EP300: variants seen among roughly 807,000 people sequenced by gnomAD.
EP300 encodes EP300 lysine acetyltransferase.
Under a neutral mutation model 264.0 loss-of-function variants are expected in EP300, and 31 were observed. That is an observed-to-expected ratio of 0.12 (90% confidence interval 0.09 to 0.16). EP300 has a LOEUF of 0.16. EP300 is among the 10% of genes least tolerant of loss of function. The probability of loss-of-function intolerance (pLI) is 1.00; values close to 1 mark genes in which losing one functional copy is unlikely to be tolerated. For missense variants in EP300, 2,766 were observed against 3,052.9 expected (o/e 0.91, Z 2.21); for synonymous variants, 1,340 against 1,045.4 (o/e 1.28, Z -5.44).
intron 14 of EP300, among the ~76,000 whole-genome samples, chr22:41,151,365 A>G (rs940283083): frequency 6.6e-6 from 1 of 152,206 alleles, no homozygotes; most frequent in Non-Finnish European, 1.5e-5. Context: ...AAGATAGGGA[A>G]TGCCAGTTTA....
At chr22:41,174,079 C>T (rs1048160521) in intron 29 of EP300, among the ~76,000 whole-genome samples, 11 of 151,902 alleles carry the variant, frequency 7.2e-5, no homozygotes, top group African/African-American at 2.2e-4. Flanking sequence ...CATTGCACTC[C>T]AGCCTGGGCA....
chr22:41,168,979 C>CA (rs1365735435), intron 25 of EP300, 112 bp downstream of exon 25: 5 of 1,454,704 alleles, frequency 3.4e-6, no homozygotes, highest in Admixed American at 3.4e-5. Flanking sequence ...TTTGGAAATG[C>CA]AAAATCTCAA....
At chr22:41,141,245 C>G (rs2145726608) in intron 10 of EP300, 23 bp downstream of exon 10, 1 of 1,605,878 alleles carries the variant, frequency 6.2e-7, no homozygotes, top group South Asian at 1.1e-5. Flanking sequence ...TGTTATATTT[C>G]TGTTTGAGAG....
chr22:41,158,177 TC>T (rs2145749088), intron 18 of EP300, among the ~76,000 whole-genome samples: 1 of 152,352 alleles, frequency 6.6e-6, no homozygotes, highest in Non-Finnish European at 1.5e-5. Flanking sequence ...GCCCAGCTAT[TC>T]CTGTTAGGTT....
In EP300 at chr22:41,179,085, G is replaced by A; in HGVS notation, c.*129G>A. On this transcript the variant is annotated 3_prime_UTR_variant, in exon 31 of 31. Coordinates refer to ENST00000263253, the MANE Select transcript of EP300 (RefSeq NM_001429.4). ...TTTCCTTGGAACACATAAGAACTGT[G>A]CAGTAGCCGTTTGTGGTTTAAAGCA... The A allele has an allele frequency of 9.5e-7, 1 of 1,050,386 alleles. No individual in the cohort carries two copies. The highest frequency in any genetic ancestry group is 1.4e-6 in the Non-Finnish European group (1 of 724,998). 65.1% of individuals were successfully genotyped at this position (1,050,386 alleles called of 1,614,324 possible). A position where few individuals can be genotyped will look rare whatever the true frequency, so the allele number is the denominator to read the frequency against.
intron 21 of EP300, 61 bp downstream of exon 21, chr22:41,162,840 C>T (rs2059115182): frequency 2.0e-5 from 29 of 1,435,910 alleles, no homozygotes; most frequent in South Asian, 2.3e-5. Flanking sequence ...CTTTCATTCT[C>T]TTGAAGTTTG....
In EP300 at chr22:41,179,167, GCTGGTTACCACCAGC is replaced by G; in HGVS notation, c.*214_*228del. On this transcript the variant is annotated 3_prime_UTR_variant, in exon 31 of 31. Coordinates refer to ENST00000263253, the MANE Select transcript of EP300 (RefSeq NM_001429.4). ...ATACAAAGAATATATTTTTGTTATG[GCTGGTTACCACCAGC>G]CTTTCTTCCCCTTTGTGTGTGTGGT... The G allele has an allele frequency of 1.6e-6, 1 of 612,204 alleles. No individual in the cohort carries two copies. The highest frequency in any genetic ancestry group is 2.0e-5 in the South Asian group (1 of 49,086). The allele number at this position is 612,204 out of a possible 1,614,324, so 37.9% of individuals were successfully genotyped here. A position where few individuals can be genotyped will look rare whatever the true frequency, so the allele number is the denominator to read the frequency against.
In EP300 at chr22:41,177,029, G is replaced by A. The variant is rs2145515453; in HGVS notation, c.5318G>A (p.Arg1773Gln). The change falls in exon 31 of 31, where the codon CGG becomes CAG. Residue 1773 changes from arginine to glutamine, a missense_variant. Physicochemically the swap from Arg to Gln is conservative, Grantham distance 43 (BLOSUM62 1). Coordinates refer to ENST00000263253, the MANE Select transcript of EP300 (RefSeq NM_001429.4). ...RVVQHTKGCK[R>Q]KTNGGCPICK... ...GTGCAGCATACCAAGGGTTGCAAAC[G>A]GAAAACCAATGGCGGGTGCCCCATC... is the stretch of plus-strand genomic sequence containing the variant. 4 of 1,614,134 alleles carry A rather than the reference G, an allele frequency of 2.5e-6. No individual in the cohort carries two copies. Among genetic ancestry groups the A allele is most frequent in the Non-Finnish European group, 3.4e-6 (4 of 1,180,028 alleles).
At chr22:41,120,061 A>G (rs529267070) in intron 2 of EP300, among the ~76,000 whole-genome samples, 67 of 152,062 alleles carry the variant, frequency 4.4e-4, no homozygotes, top group Non-Finnish European at 7.8e-4. Context: ...TGATCTGCCC[A>G]CCTCGGCCTC....
chr22:41,142,937 C>T (rs1289752641), intron 10 of EP300, among the ~76,000 whole-genome samples: 1 of 151,720 alleles, frequency 6.6e-6, no homozygotes, highest in African/African-American at 2.4e-5. Flanking sequence ...GTAGAATTTA[C>T]TCAAGTTCTG....
intron 14 of EP300, among the ~76,000 whole-genome samples, chr22:41,150,869 C>T (rs1326856485): frequency 1.3e-5 from 2 of 148,238 alleles, no homozygotes; most frequent in Admixed American, 6.8e-5. Context: ...CTAGCCTAGG[C>T]GACAGAGTGA....
chr22:41,119,963 G>A (rs374651843), intron 2 of EP300, among the ~76,000 whole-genome samples: 2 of 152,168 alleles, frequency 1.3e-5, no homozygotes, highest in East Asian at 3.9e-4. Flanking sequence ...ACAGGCATGC[G>A]CCACCAAGCC....
At chr22:41,170,877 A>T (rs1266385414) in intron 27 of EP300, among the ~76,000 whole-genome samples, 1 of 150,048 alleles carries the variant, frequency 6.7e-6, no homozygotes, top group Non-Finnish European at 1.5e-5. Context: ...GTTAGCCAGG[A>T]TGGTCTCGAT....
At chr22:41,148,242 C>T (rs893686502) in intron 12 of EP300, among the ~76,000 whole-genome samples, 7 of 152,138 alleles carry the variant, frequency 4.6e-5, no homozygotes, top group Non-Finnish European at 1.5e-5. Context: ...GTTGATGGTG[C>T]GTTTTTGCCT....
Position 41,117,200 on chromosome 22 carries a change from A to C in EP300, c.108A>C (p.Leu36=). ...SASDGTDFGS[L]FDLEHDLPDE... ...CTTTGCTTTTAGATTTTGGCTCTCT[A>C]TTTGACTTGGAGCACGACTTACCAG... is the stretch of plus-strand genomic sequence containing the variant. The change falls in exon 2 of 31, where the codon CTA becomes CTC. Residue 36 remains leucine (L), a synonymous_variant. Transcript: ENST00000263253. 1 of 1,614,124 alleles carries C rather than the reference A, an allele frequency of 6.2e-7. No individual in the cohort carries two copies. The highest frequency in any genetic ancestry group is 1.1e-5 in the South Asian group (1 of 91,080).
intron 22 of EP300, among the ~76,000 whole-genome samples, chr22:41,164,471 G>A (rs2059124270): frequency 2.0e-5 from 3 of 152,178 alleles, no homozygotes; most frequent in Admixed American, 2.0e-4. Flanking sequence ...CAGCACTTTG[G>A]GAGGCCGAGG....
chr22:41,178,059 T>A lies in EP300; in HGVS notation c.6348T>A (p.Pro2116=). 2 of 1,614,146 alleles carry A rather than the reference T, an allele frequency of 1.2e-6. No homozygotes were observed. The highest frequency in any genetic ancestry group is 1.7e-6 in the Non-Finnish European group (2 of 1,180,016). The change falls in exon 31 of 31, where the codon CCT becomes CCA. Residue 2116 remains proline, a synonymous_variant. Transcript: ENST00000263253. ...MPQGQPGLQP[P]TMPGQQGVHS... ...AGGGGCAGCCAGGGCTACAGCCACCTACCATGCCAGGTCAGCAGGGGGTCC... is the reference window on the plus strand; with the variant it reads ...AGGGGCAGCCAGGGCTACAGCCACCAACCATGCCAGGTCAGCAGGGGGTCC...
At position 41,125,735 on chromosome 22, in the gene EP300, T is replaced by C. The variant is rs1223063407; in HGVS notation, c.730-129T>C. The C allele has an allele frequency of 2.2e-5, 22 of 1,011,508 alleles. 1 individual carries two copies. The East Asian group carries it at 5.4e-4, about 25-fold the overall frequency. 62.7% of individuals were successfully genotyped at this position (1,011,508 alleles called of 1,614,324 possible). A position where few individuals can be genotyped will look rare whatever the true frequency, so the allele number is the denominator to read the frequency against. ...TTGTCACGTTGCCCAAGCTGTAGTG[T>C]CTTTTCTAATAGAAGCTGAGAATTT... On this transcript the variant is annotated intron_variant, in intron 2 of 30. Coordinates refer to ENST00000263253, the MANE Select transcript of EP300 (RefSeq NM_001429.4).
At chr22:41,136,204 T>A (rs1474010307) in intron 7 of EP300, among the ~76,000 whole-genome samples, 1 of 152,182 alleles carries the variant, frequency 6.6e-6, no homozygotes, top group Non-Finnish European at 1.5e-5. Flanking sequence ...TTTTGTACTT[T>A]TGGTAGAGAC....
Sources: allele counts gnomAD v4.1 joint callset (sites outside exome capture counted in the v4.1 genomes callset), GRCh38; gene constraint gnomAD v4.1.1; transcripts MANE v1.5; gene names NCBI Gene and HGNC (gene_info 2026-07-23, HGNC 2026-07-21).